Variants in DSG4 observed in about 807,000 individuals in gnomAD.
The protein encoded by DSG4 is desmoglein-4.
In DSG4, 87 loss-of-function variants were observed where a neutral mutation model predicts 93.1. That is an observed-to-expected ratio of 0.93 (90% confidence interval 0.79 to 1.12). The LOEUF is 1.12. Ranked by LOEUF, DSG4 falls within the 50% of genes most tolerant of loss-of-function variation. The pLI is 0.00. For missense variants in DSG4, 1,373 were observed against 1,285.7 expected, an observed-to-expected ratio of 1.07 and a Z score of -1.04; for synonymous variants, 432 against 452.9, an observed-to-expected ratio of 0.95 and a Z score of 0.59.
At chr18:31,386,276 T>C (rs1355063559) in intron 2 of DSG4, among the ~76,000 whole-genome samples, 2 of 152,200 alleles carry the variant, frequency 1.3e-5, no homozygotes, top group Non-Finnish European at 2.9e-5. Flanking sequence ...TTATGTTATA[T>C]GGGATGTGCA....
rs986530916 is a variant in DSG4 at position 31,376,823 on chromosome 18, T to C, written c.-89T>C. On this transcript the variant is annotated 5_prime_UTR_variant, in exon 1 of 16. Coordinates refer to ENST00000308128, the MANE Select transcript of DSG4 (RefSeq NM_177986.5). ...CCTCCTAAAAGGGTGTCTCAAAGCA[T>C]ATCTTTCTGTAGAGCAGAATTCGGA... 1 of 1,453,692 alleles carries C rather than the reference T, an allele frequency of 6.9e-7. No homozygotes were observed. The allele number at this position is 1,453,692 out of a possible 1,614,324, so 90.0% of individuals were successfully genotyped here. A position where few individuals can be genotyped will look rare whatever the true frequency, so the allele number is the denominator to read the frequency against.
chr18:31,393,606 G>A (rs1452775305), intron 8 of DSG4, among the ~76,000 whole-genome samples: 3 of 152,054 alleles, frequency 2.0e-5, no homozygotes, highest in South Asian at 2.1e-4. Context: ...GGATCTGCCC[G>A]ATCACCCCTC....
chr18:31,411,236 T>G lies in DSG4; in HGVS notation c.2143T>G (p.Tyr715Asp). The G allele has an allele frequency of 6.2e-7, 1 of 1,614,088 alleles. No individual in the cohort carries two copies. The change falls in exon 15 of 16, where the codon TAC (tyrosine) becomes GAC (aspartate). Residue 715 changes from tyrosine to aspartate, a missense_variant. By Grantham distance (160) the Tyr-to-Asp change is radical. Transcript: ENST00000308128. Reference protein sequence around the residue: ...TQDRMDSSEIYTNTYAAGGTV... With the variant: ...TQDRMDSSEIDTNTYAAGGTV... Reference sequence around the variant, plus strand: ...CCAACATCCTCCCTTTTCAGAAATCTACACCAACACCTATGCAGCCGGGGG... The same window carrying G: ...CCAACATCCTCCCTTTTCAGAAATCGACACCAACACCTATGCAGCCGGGGG...
At chr18:31,412,238 G>A (rs1257194655) in intron 15 of DSG4, among the ~76,000 whole-genome samples, 1 of 152,158 alleles carries the variant, frequency 6.6e-6, no homozygotes, top group Non-Finnish European at 1.5e-5. Context: ...TGGAACTGGA[G>A]GACACTGTTA....
intron 10 of DSG4, among the ~76,000 whole-genome samples, chr18:31,402,404 G>A (rs1019441109): frequency 2.0e-5 from 3 of 152,172 alleles, no homozygotes; most frequent in Non-Finnish European, 4.4e-5. Context: ...AAAACAATCT[G>A]TGGAATAATC....
At chr18:31,382,618 T>C (rs981940114) in intron 1 of DSG4, among the ~76,000 whole-genome samples, 1 of 152,138 alleles carries the variant, frequency 6.6e-6, no homozygotes, top group African/African-American at 2.4e-5. Context: ...TGAGGGCTCC[T>C]GATGGGGCTT....
chr18:31,401,067 A>G (rs2072360863), intron 10 of DSG4, 47 bp downstream of exon 10: 9 of 1,426,964 alleles, frequency 6.3e-6, no homozygotes, highest in Non-Finnish European at 8.6e-6. Flanking sequence ...GTACTATTAT[A>G]TTAAATATTA....
rs1376548398 is a variant in DSG4, at chr18:31,413,659, AAAAT to A, written c.*66_*69del. 3.2e-6 allele frequency: 5 copies of A among 1,558,220 alleles called. No individual in the cohort carries two copies. In the African/African-American group the frequency reaches 4.1e-5, roughly 13 times the overall value. Reference sequence around the variant, plus strand: ...CTTGTAATCATCAATACATCCACCAAAAATATATAATGTACCATATATATTAATA... The same window carrying A: ...CTTGTAATCATCAATACATCCACCAAATATAATGTACCATATATATTAATA... On this transcript the variant is annotated 3_prime_UTR_variant, in exon 16 of 16. Transcript: ENST00000308128.
chr18:31,404,980 T>C (rs1213106732), intron 11 of DSG4, among the ~76,000 whole-genome samples: 1 of 152,260 alleles, frequency 6.6e-6, no homozygotes, highest in Non-Finnish European at 1.5e-5. Flanking sequence ...AGAGACCTGT[T>C]TCAATGCTTG....
At chr18:31,380,504 A>G (rs992580514) in intron 1 of DSG4, among the ~76,000 whole-genome samples, 3 of 152,212 alleles carry the variant, frequency 2.0e-5, no homozygotes, top group Non-Finnish European at 4.4e-5. Flanking sequence ...AAACCTTCAG[A>G]CATAACTTGC....
intron 5 of DSG4, 147 bp downstream of exon 5, chr18:31,389,165 C>A: frequency 2.2e-6 from 2 of 916,072 alleles, no homozygotes; most frequent in Non-Finnish European, 1.7e-6. Flanking sequence ...TAATTTATAA[C>A]TGAGCTAGAA....
At chr18:31,389,459 T>G (rs1214044243) in intron 5 of DSG4, among the ~76,000 whole-genome samples, 1 of 152,170 alleles carries the variant, frequency 6.6e-6, no homozygotes, top group East Asian at 1.9e-4. Flanking sequence ...ATCATTGATC[T>G]TCACAGACTA....
Position 31,413,898 on chromosome 18 carries a change from G to A in DSG4, c.*303G>A, listed in dbSNP as rs749779419. 59 of 268,602 alleles carry A rather than the reference G, an allele frequency of 2.2e-4. No individual in the cohort carries two copies. The highest frequency in any genetic ancestry group is 3.5e-4 in the Non-Finnish European group (48 of 138,254). 16.6% of individuals were successfully genotyped at this position (268,602 alleles called of 1,614,324 possible). On this transcript the variant is annotated 3_prime_UTR_variant, in exon 16 of 16. Coordinates refer to ENST00000308128, the MANE Select transcript of DSG4 (RefSeq NM_177986.5). Reference sequence around the variant, plus strand: ...TCATATTGTGAATCCTATGGGTCTTGAGGCCTGTAGAACCAATCTTGTAAA... The same window carrying A: ...TCATATTGTGAATCCTATGGGTCTTAAGGCCTGTAGAACCAATCTTGTAAA...
intron 8 of DSG4, among the ~76,000 whole-genome samples, chr18:31,396,210 A>G (rs187181907): frequency 9.8e-4 from 149 of 152,232 alleles, no homozygotes; most frequent in African/African-American, 3.4e-3. Context: ...TAACAAAAAA[A>G]TTGATTCTCT....
At chr18:31,391,255 A>C in intron 7 of DSG4, 43 bp downstream of exon 7, 1 of 1,611,450 alleles carries the variant, frequency 6.2e-7, no homozygotes, top group Non-Finnish European at 8.5e-7. Flanking sequence ...AAGTGTCAAT[A>C]ATCAATTTGC....
chr18:31,381,465 T>C (rs1409186420), intron 1 of DSG4, among the ~76,000 whole-genome samples: 1 of 152,146 alleles, frequency 6.6e-6, no homozygotes, highest in Non-Finnish European at 1.5e-5. Context: ...ACTCTTCAAC[T>C]CTGCCAGCAT....
chr18:31,404,370 A>C (rs1255689787), intron 11 of DSG4, among the ~76,000 whole-genome samples: 2 of 152,206 alleles, frequency 1.3e-5, no homozygotes, highest in Admixed American at 6.5e-5. Context: ...ATTAAGAATA[A>C]ATTTCAGATA....
At position 31,413,424 on chromosome 18, in the gene DSG4, G is replaced by A. The variant is rs2072520624; in HGVS notation, c.2952G>A (p.Glu984=). ...VPDMSNSSTT[E]GCMGPVMSGN... The stretch of plus-strand genomic sequence containing the variant: ...ACATGAGCAATAGTAGCACGACTGA[G>A]GGTTGTATGGGACCTGTGATGAGCG... The change falls in exon 16 of 16, where the codon GAG becomes GAA. Residue 984 remains glutamate, a synonymous_variant. Coordinates refer to ENST00000308128, the MANE Select transcript of DSG4 (RefSeq NM_177986.5). 1 of 1,613,682 alleles carries A rather than the reference G, an allele frequency of 6.2e-7. No individual in the cohort carries two copies. The highest frequency in any genetic ancestry group is 1.1e-5 in the South Asian group (1 of 91,066).
At chr18:31,405,250 T>C (rs1433284256) in intron 11 of DSG4, among the ~76,000 whole-genome samples, 1 of 152,196 alleles carries the variant, frequency 6.6e-6, no homozygotes, top group African/African-American at 2.4e-5. Context: ...AGACAATATG[T>C]TTTATGAAAA....
Sources: gnomAD v4.1 joint callset for allele counts (sites outside exome capture counted in the v4.1 genomes callset) on GRCh38, gnomAD v4.1.1 for gene constraint, MANE v1.5 for transcripts, NCBI Gene and HGNC (gene_info 2026-07-23, HGNC 2026-07-21) for gene names.